Variants in HSD17B14 observed in about 807,000 individuals in gnomAD.
HSD17B14 encodes L-fucose dehydrogenase.
In HSD17B14, 32 loss-of-function variants were observed where a neutral mutation model predicts 32.2. The ratio of observed to expected loss-of-function variants is 0.99; its 90% CI spans 0.75 to 1.33. The LOEUF (loss-of-function observed/expected upper bound fraction) is 1.33. Ranked by LOEUF, HSD17B14 falls within the 40% of genes most tolerant of loss-of-function variation. The probability of loss-of-function intolerance (pLI) is 0.00; values close to 1 mark genes in which losing one functional copy is unlikely to be tolerated. For missense variants in HSD17B14, 370 were observed against 366.5 expected, an observed-to-expected ratio of 1.01 and a Z score of -0.08; for synonymous variants, 140 against 155.4, an observed-to-expected ratio of 0.90 and a Z score of 0.74.
rs1312114040 is a variant in HSD17B14 at position 48,832,745 on chromosome 19, G to A, written c.211-13C>T. On this transcript the variant is annotated splice_polypyrimidine_tract_variant and intron_variant, in intron 3 of 8. Transcript: ENST00000263278. ...CAGAAACCAGGGTCTGAGGAGAAAG[G>A]AAATGTCCTTTGTTTTTTTTTTTTG... 6.2e-7 allele frequency: 1 copy of A among 1,604,158 alleles called. No homozygotes were observed. The highest frequency in any genetic ancestry group is 8.5e-7 in the Non-Finnish European group (1 of 1,175,300).
chr19:48,819,323 C>T lies in HSD17B14; in HGVS notation c.370-4182G>A, dbSNP rs118074606. On this transcript the variant is annotated intron_variant, in intron 5 of 8. Coordinates refer to ENST00000263278, the MANE Select transcript of HSD17B14 (RefSeq NM_016246.3). ...TCAACTCCTAATACTGGTTCTCCCA[C>T]TCTCACGCTTAACCCTCAGATTTGT... is the stretch of plus-strand genomic sequence containing the variant. Among the ~76,000 whole-genome samples, 360 of 152,270 alleles carry T rather than the reference C, an allele frequency of 2.4e-3. 14 individuals carry two copies. In the East Asian group the frequency reaches 0.064, roughly 27 times the overall value.
In HSD17B14 at chr19:48,831,731, G is replaced by C; in HGVS notation, c.306C>G (p.Thr102=). ...HHPPPQRPEE[T]SAQGFRQLLE... ...GCAGCTGGCGGAATCCCTGGGCAGA[G>C]GTCTCCTCAGGCCTCTGTGGGGGTG... is the stretch of plus-strand genomic sequence containing the variant. The change falls in exon 5 of 9, where the codon ACC becomes ACG. Residue 102 remains threonine (T), a synonymous_variant. Coordinates refer to ENST00000263278, the MANE Select transcript of HSD17B14 (RefSeq NM_016246.3). The C allele has an allele frequency of 6.2e-7, 1 of 1,613,416 alleles. No homozygotes were observed. Among genetic ancestry groups the C allele is most frequent in the Non-Finnish European group, 8.5e-7 (1 of 1,179,650 alleles).
intron 2 of HSD17B14, among the ~76,000 whole-genome samples, chr19:48,835,422 C>T (rs940300707): frequency 2.2e-5 from 3 of 137,350 alleles, no homozygotes; most frequent in Middle Eastern, 4.1e-3. Flanking sequence ...GGCCTGGACT[C>T]CTGGGTCTGA....
intron 3 of HSD17B14, 43 bp from the exon 4 acceptor site, chr19:48,832,775 C>A: frequency 6.8e-7 from 1 of 1,470,950 alleles, no homozygotes; most frequent in Non-Finnish European, 9.4e-7. Context: ...TTTTTGGAGA[C>A]GGTGTCTCCC....
intron 5 of HSD17B14, among the ~76,000 whole-genome samples, chr19:48,825,237 CAAAAAAAAAA>C (rs60266504): frequency 2.2e-5 from 2 of 89,078 alleles, no homozygotes; most frequent in African/African-American, 8.8e-5. Context: ...GACTCCGTCG[CAAAAAAAAAA>C]AAAAAAAAAA....
In HSD17B14 at chr19:48,836,371, A is replaced by G; in HGVS notation, c.41T>C (p.Val14Ala). The stretch of plus-strand genomic sequence containing the variant: ...TCCGATGCCGCGCCCGCCCCCGGTC[A>G]CGACCACCACCTTCCCGGCATAGCG... The part of the protein sequence containing the change: ...GTRYAGKVVV[V>A]TGGGRGIGAG... Residue 14 changes from valine (V) to alanine (A), a missense_variant, in exon 1 of 9, where the codon GTG becomes GCG. Transcript: ENST00000263278. 6.2e-7 allele frequency: 1 copy of G among 1,612,800 alleles called. No homozygotes were observed. Among genetic ancestry groups the G allele is most frequent in the Non-Finnish European group, 8.5e-7 (1 of 1,179,810 alleles).
At chr19:48,822,423 T>C (rs1342862657) in intron 5 of HSD17B14, among the ~76,000 whole-genome samples, 2 of 149,120 alleles carry the variant, frequency 1.3e-5, no homozygotes, top group Non-Finnish European at 3.0e-5. Flanking sequence ...GTGGTGATGA[T>C]GGTGATGGTA....
chr19:48,829,052 CT>C (rs2035294734), intron 5 of HSD17B14, among the ~76,000 whole-genome samples: 1 of 151,950 alleles, frequency 6.6e-6, no homozygotes, highest in African/African-American at 2.4e-5. Flanking sequence ...CAGAGTAAGA[CT>C]CTGTCTCAAA....
Position 48,817,791 on chromosome 19 carries a change from T to C in HSD17B14, c.370-2650A>G, listed in dbSNP as rs532348761. ...ACCTGGTATGTGTCCAGCCCTGTCC[T>C]CAGCAATTTACATGGATTAGCTCAT... On this transcript the variant is annotated intron_variant, in intron 5 of 8. Transcript: ENST00000263278. Among the ~76,000 whole-genome samples, 191 of 152,354 alleles carry C rather than the reference T, an allele frequency of 1.3e-3. 1 individual carries two copies. The highest frequency in any genetic ancestry group is 4.4e-3 in the African/African-American group (183 of 41,582).
intron 5 of HSD17B14, among the ~76,000 whole-genome samples, chr19:48,820,869 A>T (rs934722630): frequency 2.0e-5 from 3 of 150,670 alleles, no homozygotes; most frequent in South Asian, 2.1e-4. Context: ...AGACAAAAAT[A>T]AAAAAAAATA....
Position 48,813,445 on chromosome 19 carries a change from C to A in HSD17B14, c.639+11G>T. 6.2e-7 allele frequency: 1 copy of A among 1,600,746 alleles called. No individual in the cohort carries two copies. Among genetic ancestry groups the A allele is most frequent in the Non-Finnish European group, 8.5e-7 (1 of 1,173,754 alleles). ...CACCTTCTACCACCTGGATCTGAAC[C>A]CCACTTCTACCTGGGCCAGCATGCC... is the stretch of plus-strand genomic sequence containing the variant. On this transcript the variant is annotated intron_variant, in intron 8 of 8. Coordinates refer to ENST00000263278, the MANE Select transcript of HSD17B14 (RefSeq NM_016246.3).
intron 6 of HSD17B14, 95 bp from the exon 7 acceptor site, chr19:48,813,825 G>A (rs2035005312): frequency 1.5e-6 from 2 of 1,361,442 alleles, no homozygotes; most frequent in Admixed American, 3.5e-5. Context: ...CATCAGAATG[G>A]GGAAGTCATG....
intron 5 of HSD17B14, among the ~76,000 whole-genome samples, chr19:48,824,375 G>A (rs1599835068): frequency 6.7e-6 from 1 of 148,946 alleles, no homozygotes; most frequent in Non-Finnish European, 1.5e-5. Flanking sequence ...GTTCAAGGCT[G>A]CAGTGAGCTG....
intron 5 of HSD17B14, among the ~76,000 whole-genome samples, chr19:48,829,709 T>G (rs1392097105): frequency 7.1e-6 from 1 of 141,054 alleles, no homozygotes; most frequent in Non-Finnish European, 1.5e-5. Flanking sequence ...AATGGCACGA[T>G]CTCAGCTCAC....
chr19:48,818,860 G>A (rs28445671), intron 5 of HSD17B14, among the ~76,000 whole-genome samples: 51,621 of 151,976 alleles, frequency 0.34, 8,948 homozygotes, highest in African/African-American at 0.4. Context: ...TGAGACAGGA[G>A]CAGGCCTGTT....
At chr19:48,826,700 G>A (rs1251594843) in intron 5 of HSD17B14, among the ~76,000 whole-genome samples, 1 of 151,308 alleles carries the variant, frequency 6.6e-6, no homozygotes, top group African/African-American at 2.4e-5. Flanking sequence ...TGGTTAAGCA[G>A]GGGATTGCCC....
Position 48,813,547 on chromosome 19 carries a change from G to T in HSD17B14, c.548C>A (p.Ser183Tyr). The change falls in exon 8 of 9, where the codon TCC (serine) becomes TAC (tyrosine). Residue 183 changes from serine (S) to tyrosine (Y), a missense_variant. By Grantham distance (144) the Ser-to-Tyr change is moderately radical. Transcript: ENST00000263278. ...CAGCGGGGTCCAGATGTTTCCTGGGGAGATACTAGAGGAAGGGAGAGGGGG... is the reference window on the plus strand; with the variant it reads ...CAGCGGGGTCCAGATGTTTCCTGGGTAGATACTAGAGGAAGGGAGAGGGGG... ...SPYGVRVNCI[S>Y]PGNIWTPLWE... The T allele has an allele frequency of 6.2e-7, 1 of 1,614,074 alleles. No individual in the cohort carries two copies. Among genetic ancestry groups the T allele is most frequent in the Non-Finnish European group, 8.5e-7 (1 of 1,179,976 alleles).
At chr19:48,820,665 G>A (rs2035130987) in intron 5 of HSD17B14, among the ~76,000 whole-genome samples, 1 of 150,396 alleles carries the variant, frequency 6.6e-6, no homozygotes, top group South Asian at 2.1e-4. Context: ...CCGAGTAGCT[G>A]GGATTACCAC....
At chr19:48,817,623 C>T (rs1024123013) in intron 5 of HSD17B14, among the ~76,000 whole-genome samples, 1 of 152,168 alleles carries the variant, frequency 6.6e-6, no homozygotes, top group Admixed American at 6.6e-5. Context: ...CTGTCTCTCC[C>T]ACCAGCATGC....
Sources: allele counts gnomAD v4.1 joint callset (sites outside exome capture counted in the v4.1 genomes callset), GRCh38; gene constraint gnomAD v4.1.1; transcripts MANE v1.5; gene names NCBI Gene and HGNC (gene_info 2026-07-23, HGNC 2026-07-21).